HS3ST5: variants seen among roughly 807,000 people sequenced by gnomAD.
HS3ST5 encodes heparan sulfate-glucosamine 3-sulfotransferase 5.
A neutral mutation model predicts 25.4 loss-of-function variants in HS3ST5; 10 were observed. The ratio of observed to expected loss-of-function variants is 0.39; its 90% CI spans 0.24 to 0.67. The LOEUF is 0.67. Among genes scored for constraint, HS3ST5 ranks in the 30% least tolerant of loss-of-function variants. The probability of loss-of-function intolerance (pLI) is 0.44; values close to 1 mark genes in which losing one functional copy is unlikely to be tolerated. For missense variants in HS3ST5, 324 were observed against 420.7 expected, an observed-to-expected ratio of 0.77 and a Z score of 2.01; for synonymous variants, 170 against 162.4, an observed-to-expected ratio of 1.05 and a Z score of -0.36.
At chr6:114,239,870 C>G (rs1772025148) in intron 1 of HS3ST5, among the ~76,000 whole-genome samples, 1 of 152,058 alleles carries the variant, frequency 6.6e-6, no homozygotes, top group South Asian at 2.1e-4. Flanking sequence ...TTTGTTCATC[C>G]AACAAAAACG....
At chr6:114,085,615 A>G (rs1337429063) in intron 3 of HS3ST5, among the ~76,000 whole-genome samples, 1 of 152,224 alleles carries the variant, frequency 6.6e-6, no homozygotes, top group African/African-American at 2.4e-5. Flanking sequence ...CCACAAAACC[A>G]TCAGAATGGA....
intron 3 of HS3ST5, among the ~76,000 whole-genome samples, chr6:114,098,058 C>T (rs1388005697): frequency 6.6e-6 from 1 of 151,904 alleles, no homozygotes; most frequent in Non-Finnish European, 1.5e-5. Flanking sequence ...AGGGTGGCCC[C>T]AGAAAGGAAA....
intron 3 of HS3ST5, among the ~76,000 whole-genome samples, chr6:114,092,899 T>C (rs1263134307): frequency 6.6e-6 from 1 of 152,136 alleles, no homozygotes; most frequent in East Asian, 1.9e-4. Flanking sequence ...GGTCTCGAAC[T>C]CCTGACCTCA....
intron 2 of HS3ST5, among the ~76,000 whole-genome samples, chr6:114,172,476 A>G (rs1779518338): frequency 6.6e-6 from 1 of 152,254 alleles, no homozygotes; most frequent in African/African-American, 2.4e-5. Flanking sequence ...GAAGGTTCAA[A>G]GGATTGGAAC....
intron 3 of HS3ST5, among the ~76,000 whole-genome samples, chr6:114,125,844 C>T (rs1416999142): frequency 6.6e-6 from 1 of 152,174 alleles, no homozygotes; most frequent in Non-Finnish European, 1.5e-5. Flanking sequence ...TTTGACTCTG[C>T]TCTAAAATGC....
chr6:114,198,462 C>A (rs1401768), intron 2 of HS3ST5, among the ~76,000 whole-genome samples: 32,163 of 152,058 alleles, frequency 0.21, 3,469 homozygotes, highest in East Asian at 0.26. Context: ...ACAATTCGAT[C>A]ATTCCCCAGG....
intron 2 of HS3ST5, among the ~76,000 whole-genome samples, chr6:114,171,805 C>T (rs1320157010): frequency 6.6e-6 from 1 of 152,098 alleles, no homozygotes; most frequent in Non-Finnish European, 1.5e-5. Context: ...CCCACTTCCA[C>T]CACCACCACA....
chr6:114,246,473 C>T (rs1027688943), intron 1 of HS3ST5, among the ~76,000 whole-genome samples: 2 of 152,198 alleles, frequency 1.3e-5, no homozygotes, highest in African/African-American at 4.8e-5. Flanking sequence ...AGGGCTTCAA[C>T]AACAATGTTC....
intron 3 of HS3ST5, among the ~76,000 whole-genome samples, chr6:114,080,976 T>C (rs1774424018): frequency 6.6e-6 from 1 of 152,142 alleles, no homozygotes; most frequent in Admixed American, 6.5e-5. Context: ...AAATGAGAGA[T>C]GTGTGACTCT....
At chr6:114,121,471 T>C (rs1360373277) in intron 3 of HS3ST5, among the ~76,000 whole-genome samples, 1 of 152,068 alleles carries the variant, frequency 6.6e-6, no homozygotes, top group African/African-American at 2.4e-5. Context: ...AATTTCTTAA[T>C]AAGCAAAAAA....
At chr6:114,215,291 G>A (rs139727982) in intron 2 of HS3ST5, among the ~76,000 whole-genome samples, 1 of 152,206 alleles carries the variant, frequency 6.6e-6, no homozygotes, top group African/African-American at 2.4e-5. Flanking sequence ...GGGTGACAGA[G>A]CGAGACTCTG....
intron 3 of HS3ST5, among the ~76,000 whole-genome samples, chr6:114,109,009 A>T (rs1345377728): frequency 6.6e-6 from 1 of 152,078 alleles, no homozygotes; most frequent in Non-Finnish European, 1.5e-5. Context: ...CCAAAAATAC[A>T]AAAGTTAGCC....
chr6:114,270,173 A>G (rs1339318353), intron 1 of HS3ST5, among the ~76,000 whole-genome samples: 1 of 152,210 alleles, frequency 6.6e-6, no homozygotes, highest in Non-Finnish European at 1.5e-5. Flanking sequence ...AAATGAGAAA[A>G]AAGAAGATGC....
At chr6:114,117,775 A>G (rs1013560714) in intron 3 of HS3ST5, among the ~76,000 whole-genome samples, 5 of 152,200 alleles carry the variant, frequency 3.3e-5, no homozygotes, top group African/African-American at 1.2e-4. Flanking sequence ...TTACTGACTT[A>G]GGCTAATTGG....
intron 1 of HS3ST5, among the ~76,000 whole-genome samples, chr6:114,246,066 A>G (rs1772365764): frequency 6.8e-6 from 1 of 147,124 alleles, no homozygotes; most frequent in Non-Finnish European, 1.5e-5. Flanking sequence ...TTTTTCATAC[A>G]CTGGACCTAG....
intron 2 of HS3ST5, among the ~76,000 whole-genome samples, chr6:114,203,233 T>G (rs1781111757): frequency 6.6e-6 from 1 of 152,304 alleles, no homozygotes; most frequent in Middle Eastern, 3.4e-3. Context: ...TTTTAAAAAT[T>G]ATAACAGTGA....
intron 3 of HS3ST5, among the ~76,000 whole-genome samples, chr6:114,125,799 C>A (rs751870145): frequency 3.1e-4 from 47 of 152,188 alleles, no homozygotes; most frequent in Non-Finnish European, 6.2e-4. Context: ...TTCCTGCTGA[C>A]TTCTTGTCAA....
At chr6:114,299,277 A>C (rs1017899856) in intron 1 of HS3ST5, among the ~76,000 whole-genome samples, 14 of 152,162 alleles carry the variant, frequency 9.2e-5, no homozygotes, top group African/African-American at 3.4e-4. Flanking sequence ...TGCCTAATAA[A>C]TTTTGGTCAG....
chr6:114,238,293 T>C (rs1022034772), intron 1 of HS3ST5, among the ~76,000 whole-genome samples: 2 of 152,194 alleles, frequency 1.3e-5, no homozygotes, highest in African/African-American at 4.8e-5. Context: ...AATTGCTCAA[T>C]AGTGTCTCTA....
Sources: gnomAD v4.1 joint callset for allele counts (sites outside exome capture counted in the v4.1 genomes callset) on GRCh38, gnomAD v4.1.1 for gene constraint, MANE v1.5 for transcripts, NCBI Gene and HGNC (gene_info 2026-07-23, HGNC 2026-07-21) for gene names.